The following MS4A18 variants were observed in gnomAD, a reference collection of about 807,000 sequenced individuals.
MS4A18 encodes the protein membrane-spanning 4-domains subfamily A member 18.
In MS4A18, 27 loss-of-function variants were observed where a neutral mutation model predicts 13.1. The ratio of observed to expected loss-of-function variants is 2.06; its 90% CI spans 1.52 to 2.84. The LOEUF is 2.84. Ranked by LOEUF, MS4A18 falls within the 30% of genes most tolerant of loss-of-function variation. MS4A18 has a pLI of 0.00. For synonymous variants in MS4A18, 126 were observed against 76.5 expected (o/e 1.65, Z -3.38); for missense variants, 307 against 196.4 (o/e 1.56, Z -3.37).
chr11:60,732,170 G>A (rs1260973759), intron 1 of MS4A18, among the ~76,000 whole-genome samples: 4 of 152,130 alleles, frequency 2.6e-5, no homozygotes, highest in Non-Finnish European at 5.9e-5. Flanking sequence ...ATTCATCCTG[G>A]ACGGGGGCTC....
At chr11:60,732,792 C>T (rs1340899042) in intron 1 of MS4A18, among the ~76,000 whole-genome samples, 2 of 150,974 alleles carry the variant, frequency 1.3e-5, no homozygotes, top group African/African-American at 2.4e-5. Context: ...CTACAAGTTT[C>T]ATAGGCACTT....
chr11:60,743,967 A>T (rs1405401353), exon 6 of MS4A18: 2 of 702,716 alleles, frequency 2.8e-6, no homozygotes, highest in South Asian at 1.5e-5. Flanking sequence ...CCAGCAATGT[A>T]CCCCCGAACC....
At chr11:60,744,377 T>C (rs571620552), downstream of MS4A18, among the ~76,000 whole-genome samples, 1 of 152,262 alleles carries the variant, frequency 6.6e-6, no homozygotes, top group South Asian at 2.1e-4. Context: ...CTGACACGGT[T>C]CTCCCACACA....
At chr11:60,729,623 G>A (rs1220853101) in exon 1 of MS4A18, 1 of 702,722 alleles carries the variant, frequency 1.4e-6, no homozygotes, top group East Asian at 2.7e-5. Flanking sequence ...TACACACAGG[G>A]AACCACGAAT....
intron 2 of MS4A18, among the ~76,000 whole-genome samples, chr11:60,735,661 C>CTTTTTTTTTTTTTTT (rs1167113182): frequency 1.3e-4 from 12 of 90,110 alleles, no homozygotes; most frequent in African/African-American, 6.0e-4. Context: ...CATTCCCTTG[C>CTTTTTTTTTTTTTTT]TTTTTTTTTT....
At chr11:60,740,487 C>T (rs992656598) in intron 4 of MS4A18, among the ~76,000 whole-genome samples, 9 of 152,214 alleles carry the variant, frequency 5.9e-5, no homozygotes, top group African/African-American at 2.2e-4. Context: ...AGCCAGGAGC[C>T]AGACAGAGCT....
chr11:60,744,245 AG>A, downstream of MS4A18: 1 of 458,300 alleles, frequency 2.2e-6, no homozygotes, highest in Non-Finnish European at 3.9e-6. Flanking sequence ...GGCAAAGTTC[AG>A]GGTGCATTTT....
chr11:60,733,647 C>T (rs1055088013), exon 2 of MS4A18: 6 of 703,544 alleles, frequency 8.5e-6, no homozygotes, highest in Admixed American at 2.0e-5. Context: ...GAGGATTATC[C>T]GTGAGTACAA....
At chr11:60,728,212 GT>G (rs1448815120), upstream of MS4A18, among the ~76,000 whole-genome samples, 2 of 152,138 alleles carry the variant, frequency 1.3e-5, no homozygotes, top group South Asian at 2.1e-4. Flanking sequence ...AAGACAGTCT[GT>G]TTTTTTGCTC....
At chr11:60,740,315 C>T (rs923213589) in intron 4 of MS4A18, among the ~76,000 whole-genome samples, 2 of 152,196 alleles carry the variant, frequency 1.3e-5, no homozygotes, top group African/African-American at 4.8e-5. Context: ...ATCCCTTCCA[C>T]CCTACTGTGG....
At chr11:60,727,895 T>G (rs1393596132), upstream of MS4A18, among the ~76,000 whole-genome samples, 2 of 152,194 alleles carry the variant, frequency 1.3e-5, no homozygotes, top group Non-Finnish European at 2.9e-5. Context: ...AAGTCCAGCT[T>G]ATCAGTCCTC....
Position 60,736,264 on chromosome 11 carries a change from C to T in MS4A18, c.592-714C>T, listed in dbSNP as rs73492915. On this transcript the variant is annotated intron_variant, in intron 2 of 5. Coordinates refer to ENST00000529108, the Ensembl canonical transcript of MS4A18. ...GAGAGGGCTGGAATCATTATGTATGCCCATTTGCCAGATGAAGAGACTGAA... is the reference window on the plus strand; with the variant it reads ...GAGAGGGCTGGAATCATTATGTATGTCCATTTGCCAGATGAAGAGACTGAA... Among the ~76,000 whole-genome samples the T allele has an allele frequency of 6.8e-3, 1,034 of 151,988 alleles. 10 individuals carry two copies. Among genetic ancestry groups the T allele is most frequent in the African/African-American group, 0.023 (973 of 41,460 alleles).
At chr11:60,737,019 C>T in exon 3 of MS4A18, 1 of 701,702 alleles carries the variant, frequency 1.4e-6, no homozygotes, top group Non-Finnish European at 2.6e-6. Context: ...CTGCAAAGGA[C>T]CCCAGTCCTT....
At chr11:60,743,789 A>ACCCTGTCAACACCACCACCAG (rs554966172) in exon 6 of MS4A18, 66 of 701,404 alleles carry the variant, frequency 9.4e-5, no homozygotes, top group African/African-American at 9.4e-4. Context: ...ACTACCATTC[A>ACCCTGTCAACACCACCACCAG]CCCTGTCAAC....
chr11:60,727,553 C>T (rs1040566608), upstream of MS4A18, among the ~76,000 whole-genome samples: 17 of 152,178 alleles, frequency 1.1e-4, no homozygotes, highest in African/African-American at 3.1e-4. Context: ...GAGTGTTTCT[C>T]TCACTCAGGA....
At chr11:60,736,286 T>G (rs1424949306) in intron 2 of MS4A18, among the ~76,000 whole-genome samples, 1 of 148,962 alleles carries the variant, frequency 6.7e-6, no homozygotes, top group Non-Finnish European at 1.5e-5. Context: ...ATGAAGAGAC[T>G]GAAGCTCAAG....
At position 60,738,938 on chromosome 11, in the gene MS4A18, C is replaced by A; in HGVS notation, c.685C>A (p.Leu229Ile). The A allele has an allele frequency of 4.3e-6, 3 of 703,382 alleles. No individual in the cohort carries two copies. In the East Asian group the frequency reaches 8.0e-5, roughly 19 times the overall value. 43.6% of individuals were successfully genotyped at this position (703,382 alleles called of 1,614,324 possible). The change falls in exon 4 of 6, where the codon CTC becomes ATC. Residue 229 changes from leucine to isoleucine, a missense_variant. Coordinates refer to ENST00000529108, the Ensembl canonical transcript of MS4A18. ...CATCAGCTTCAACATCATCAGCGCA[C>A]TCTTCGCCTTTGCCGGGATCTTCAT...
At chr11:60,742,412 G>T (rs1030939163) in intron 5 of MS4A18, among the ~76,000 whole-genome samples, 1 of 152,146 alleles carries the variant, frequency 6.6e-6, no homozygotes, top group Non-Finnish European at 1.5e-5. Flanking sequence ...AACTCCAAGG[G>T]TGTTTTATGT....
At chr11:60,740,978 C>T in intron 4 of MS4A18, 52 bp from the exon 6 acceptor site, 1 of 702,508 alleles carries the variant, frequency 1.4e-6, no homozygotes, top group Non-Finnish European at 2.6e-6. Flanking sequence ...GGACTGTCAC[C>T]TAGGCCATCA....
Sources: allele counts gnomAD v4.1 joint callset (sites outside exome capture counted in the v4.1 genomes callset), GRCh38; gene constraint gnomAD v4.1.1; transcripts MANE v1.5; gene names NCBI Gene and HGNC (gene_info 2026-07-23, HGNC 2026-07-21).